The following ANKH variants were observed in gnomAD, a reference collection of about 807,000 sequenced individuals.
ANKH encodes the protein mineralization regulator ANKH.
ANKH carries 15 observed loss-of-function variants against 49.0 expected under a neutral mutation model. That is an observed-to-expected ratio of 0.31 (90% confidence interval 0.20 to 0.47). The LOEUF is 0.47. ANKH is among the 20% of genes least tolerant of loss of function. The pLI, the probability that ANKH is intolerant of heterozygous loss-of-function variation, is 1.00. For missense variants in ANKH, 429 were observed against 652.0 expected (o/e 0.66, Z 3.72); for synonymous variants, 273 against 260.0 (o/e 1.05, Z -0.48).
intron 1 of ANKH, chr5:14,869,023 T>G (rs1178227340): frequency 6.6e-6 from 1 of 152,230 alleles, no homozygotes; most frequent in Non-Finnish European, 1.5e-5. Flanking sequence ...CAGCAAGGTG[T>G]AATACACCTG....
At chr5:14,749,633 G>A (rs573228917) in intron 5 of ANKH, among the ~76,000 whole-genome samples, 24 of 152,330 alleles carry the variant, frequency 1.6e-4, no homozygotes, top group African/African-American at 5.3e-4. Context: ...CTGAGAAACA[G>A]GTTTGAAATT....
intron 1 of ANKH, among the ~76,000 whole-genome samples, chr5:14,789,128 T>C (rs1240472635): frequency 1.3e-5 from 2 of 152,102 alleles, no homozygotes; most frequent in Non-Finnish European, 2.9e-5. Context: ...CTCGGGAGGC[T>C]GAGGCAGGAG....
At chr5:14,827,558 C>T (rs1741380245) in intron 1 of ANKH, among the ~76,000 whole-genome samples, 1 of 152,208 alleles carries the variant, frequency 6.6e-6, no homozygotes, top group Non-Finnish European at 1.5e-5. Context: ...AAGGGATCCC[C>T]AAAGCCCCTG....
chr5:14,788,563 C>T (rs1469117953), intron 1 of ANKH, among the ~76,000 whole-genome samples: 1 of 152,180 alleles, frequency 6.6e-6, no homozygotes, highest in Non-Finnish European at 1.5e-5. Flanking sequence ...CCCCCAAAGC[C>T]TTAGAATTAG....
At chr5:14,850,459 A>G (rs1742091972) in intron 1 of ANKH, among the ~76,000 whole-genome samples, 1 of 152,252 alleles carries the variant, frequency 6.6e-6, no homozygotes, top group African/African-American at 2.4e-5. Context: ...TTATATTTTC[A>G]GGCATTCAGC....
At chr5:14,774,716 T>C (rs1003120921) in intron 1 of ANKH, among the ~76,000 whole-genome samples, 1 of 152,226 alleles carries the variant, frequency 6.6e-6, no homozygotes, top group African/African-American at 2.4e-5. Flanking sequence ...GTATCACATC[T>C]TTACTTGTTA....
At chr5:14,867,623 A>G (rs978413734) in intron 1 of ANKH, among the ~76,000 whole-genome samples, 3 of 151,812 alleles carry the variant, frequency 2.0e-5, no homozygotes, top group African/African-American at 7.3e-5. Flanking sequence ...GCAGTGGCGC[A>G]ATCTCGGCTC....
intron 11 of ANKH, 91 bp from the exon 12 acceptor site, chr5:14,711,401 G>A: frequency 1.8e-6 from 2 of 1,118,508 alleles, no homozygotes; most frequent in Non-Finnish European, 2.7e-6. Flanking sequence ...GGGGTCTTGG[G>A]GGACCCCTCA....
intron 11 of ANKH, among the ~76,000 whole-genome samples, chr5:14,712,665 C>G (rs1440465604): frequency 4.6e-5 from 7 of 152,254 alleles, no homozygotes; most frequent in Non-Finnish European, 7.3e-5. Context: ...TTCAAAGGGA[C>G]TGTCTGTACT....
At chr5:14,807,338 C>T (rs1050194692) in intron 1 of ANKH, among the ~76,000 whole-genome samples, 3 of 152,078 alleles carry the variant, frequency 2.0e-5, no homozygotes, top group African/African-American at 4.8e-5. Context: ...TGGTCTTGAA[C>T]TCCTGAGCTC....
At chr5:14,749,404 A>C in intron 5 of ANKH, 98 bp from the exon 6 acceptor site, 5 of 1,344,520 alleles carry the variant, frequency 3.7e-6, no homozygotes, top group Non-Finnish European at 5.3e-6. Context: ...GTTAATCACA[A>C]GCCAATTCAC....
intron 1 of ANKH, among the ~76,000 whole-genome samples, chr5:14,819,263 A>G (rs571867768): frequency 6.6e-6 from 1 of 152,320 alleles, no homozygotes; most frequent in African/African-American, 2.4e-5. Flanking sequence ...CATAACTCAT[A>G]AAATAACTAA....
chr5:14,796,889 C>A (rs1394641316), intron 1 of ANKH, among the ~76,000 whole-genome samples: 5 of 152,086 alleles, frequency 3.3e-5, no homozygotes, highest in African/African-American at 1.2e-4. Context: ...TACTTTAGAC[C>A]TGGGTTACTA....
intron 1 of ANKH, among the ~76,000 whole-genome samples, chr5:14,837,004 A>C (rs1473124353): frequency 6.6e-6 from 1 of 152,270 alleles, no homozygotes; most frequent in East Asian, 1.9e-4. Flanking sequence ...ACCTGACAAA[A>C]ACAAGAAATG....
intron 4 of ANKH, among the ~76,000 whole-genome samples, chr5:14,751,629 T>C (rs937549278): frequency 6.6e-6 from 1 of 152,202 alleles, no homozygotes; most frequent in Non-Finnish European, 1.5e-5. Context: ...ACTGCATGTG[T>C]GCACCAAACC....
chr5:14,711,032 T>C lies in ANKH; in HGVS notation c.*165A>G, dbSNP rs967280109. On this transcript the variant is annotated 3_prime_UTR_variant, in exon 12 of 12. Coordinates refer to ENST00000284268, the MANE Select transcript of ANKH (RefSeq NM_054027.6). ...CTAGGTCCCCCCGTCAGTGTGAGCATACCCAGTATGCTAGAGAATTGACAC... is the reference window on the plus strand; with the variant it reads ...CTAGGTCCCCCCGTCAGTGTGAGCACACCCAGTATGCTAGAGAATTGACAC... The C allele has an allele frequency of 1.6e-5, 11 of 701,184 alleles. No individual in the cohort carries two copies. The highest frequency in any genetic ancestry group is 6.2e-5 in the South Asian group (4 of 64,930). 43.4% of individuals were successfully genotyped at this position (701,184 alleles called of 1,614,324 possible).
chr5:14,809,350 A>AG (rs1740807347), intron 1 of ANKH, among the ~76,000 whole-genome samples: 1 of 147,204 alleles, frequency 6.8e-6, no homozygotes, highest in South Asian at 2.2e-4. Context: ...AAAAAAAAAA[A>AG]AAAAAAAGAA....
In ANKH at chr5:14,708,858, G is replaced by C. The variant is rs988022348; in HGVS notation, c.*2339C>G. ...GTATTTCCTCATCTCATAATGAGGAGGCCCTTGCTGATCCTTCCTGGATTT... is the reference window on the plus strand; with the variant it reads ...GTATTTCCTCATCTCATAATGAGGACGCCCTTGCTGATCCTTCCTGGATTT... On this transcript the variant is annotated 3_prime_UTR_variant, in exon 12 of 12. Coordinates refer to ENST00000284268, the MANE Select transcript of ANKH (RefSeq NM_054027.6). 6 of 152,074 alleles carry C rather than the reference G, an allele frequency of 3.9e-5. No homozygotes were observed. Among genetic ancestry groups the C allele is most frequent in the Non-Finnish European group, 7.3e-5 (5 of 68,032 alleles). 9.4% of individuals were successfully genotyped at this position (152,074 alleles called of 1,614,324 possible).
At chr5:14,718,839 C>CG (rs1491520738) in intron 8 of ANKH, among the ~76,000 whole-genome samples, 7 of 133,826 alleles carry the variant, frequency 5.2e-5, no homozygotes, top group Non-Finnish European at 9.6e-5. Context: ...ACCCCCCCCC[C>CG]AAAAAAAAAA....
Sources: gnomAD v4.1 joint callset for allele counts (sites outside exome capture counted in the v4.1 genomes callset) on GRCh38, gnomAD v4.1.1 for gene constraint, MANE v1.5 for transcripts, NCBI Gene and HGNC (gene_info 2026-07-23, HGNC 2026-07-21) for gene names.